Variants in FNDC3B observed in about 807,000 individuals in gnomAD.
FNDC3B encodes fibronectin type III domain-containing protein 3B.
FNDC3B carries 12 observed loss-of-function variants against 151.5 expected under a neutral mutation model. The ratio of observed to expected loss-of-function variants is 0.08; its 90% CI spans 0.05 to 0.13. FNDC3B has a LOEUF of 0.13. Ranked by LOEUF, FNDC3B falls within the 10% of genes least tolerant of loss-of-function variation. The probability of loss-of-function intolerance (pLI) is 1.00; values close to 1 mark genes in which losing one functional copy is unlikely to be tolerated. For synonymous variants in FNDC3B, 528 were observed against 549.0 expected, an observed-to-expected ratio of 0.96 and a Z score of 0.54; for missense variants, 1,214 against 1,505.3, an observed-to-expected ratio of 0.81 and a Z score of 3.20.
chr3:172,074,944 A>G (rs1166290782), intron 1 of FNDC3B, among the ~76,000 whole-genome samples: 2 of 152,236 alleles, frequency 1.3e-5, no homozygotes, highest in Admixed American at 6.5e-5. Context: ...GTATGTGTTT[A>G]GAATTACAGA....
At chr3:172,119,224 A>T (rs560374442) in intron 2 of FNDC3B, among the ~76,000 whole-genome samples, 1 of 151,012 alleles carries the variant, frequency 6.6e-6, no homozygotes, top group Non-Finnish European at 1.5e-5. Flanking sequence ...GACTAAATTT[A>T]GGAGTGACTG....
chr3:172,255,550 G>A lies in FNDC3B; in HGVS notation c.790+4009G>A, dbSNP rs147515278. Among the ~76,000 whole-genome samples, 8 of 152,250 alleles carry A rather than the reference G, an allele frequency of 5.3e-5. No individual in the cohort carries two copies. The East Asian group carries it at 7.7e-4, about 15-fold the overall frequency. ...CTCCCAAAGTGCTGGGATGACAAGC[G>A]TGAGCCACTGCGTCTGGCAAATTTT... On this transcript the variant is annotated intron_variant, in intron 6 of 25. Coordinates refer to ENST00000415807, the MANE Select transcript of FNDC3B (RefSeq NM_022763.4).
intron 9 of FNDC3B, among the ~76,000 whole-genome samples, chr3:172,305,639 CTT>C (rs146330722): frequency 0.018 from 2,784 of 152,274 alleles, 77 homozygotes; most frequent in African/African-American, 0.064. Flanking sequence ...TTGCCTGTAT[CTT>C]TTAATTCATA....
At chr3:172,307,798 T>C (rs1384192216) in intron 10 of FNDC3B, among the ~76,000 whole-genome samples, 1 of 152,204 alleles carries the variant, frequency 6.6e-6, no homozygotes, top group African/African-American at 2.4e-5. Context: ...CCAACTGTTA[T>C]ATCAAAAGTT....
chr3:172,322,221 G>C (rs1164474167), intron 11 of FNDC3B, among the ~76,000 whole-genome samples: 1 of 152,130 alleles, frequency 6.6e-6, no homozygotes, highest in Non-Finnish European at 1.5e-5. Flanking sequence ...TAATCTTCTG[G>C]CAGTGTTTTC....
intron 6 of FNDC3B, among the ~76,000 whole-genome samples, chr3:172,267,170 T>C (rs898008692): frequency 6.6e-6 from 1 of 152,122 alleles, no homozygotes; most frequent in Non-Finnish European, 1.5e-5. Context: ...TTTTTTTTTT[T>C]TTTTGAACAG....
At chr3:172,180,690 C>G (rs1701474302) in intron 3 of FNDC3B, among the ~76,000 whole-genome samples, 1 of 152,122 alleles carries the variant, frequency 6.6e-6, no homozygotes, top group South Asian at 2.1e-4. Context: ...GTGTGGAACT[C>G]TAGTTGTGCC....
rs184622721 is a variant in FNDC3B, at chr3:172,150,761, T to C, written c.187+17215T>C. ...AAAGTTTGTGGGTACATAGTAAGTGTATATATTTATGGGGTACCTGAGATG... is the reference window on the plus strand; with the variant it reads ...AAAGTTTGTGGGTACATAGTAAGTGCATATATTTATGGGGTACCTGAGATG... On this transcript the variant is annotated intron_variant, in intron 3 of 25. Transcript: ENST00000415807. Among the ~76,000 whole-genome samples, 14 of 152,274 alleles carry C rather than the reference T, an allele frequency of 9.2e-5. No homozygotes were observed. In the East Asian group the frequency reaches 2.7e-3, roughly 29 times the overall value.
intron 19 of FNDC3B, 110 bp downstream of exon 19, chr3:172,344,368 C>A: frequency 1.1e-6 from 1 of 872,544 alleles, no homozygotes; most frequent in Non-Finnish European, 1.8e-6. Context: ...CTTGATGCAA[C>A]CTTGACAACC....
At chr3:172,266,675 C>A (rs1241133997) in intron 6 of FNDC3B, among the ~76,000 whole-genome samples, 1 of 152,200 alleles carries the variant, frequency 6.6e-6, no homozygotes, top group East Asian at 1.9e-4. Flanking sequence ...CTTGTAGCCA[C>A]ATCACTCCAG....
chr3:172,213,721 C>T (rs1270780788), intron 3 of FNDC3B, among the ~76,000 whole-genome samples: 1 of 152,104 alleles, frequency 6.6e-6, no homozygotes, highest in African/African-American at 2.4e-5. Flanking sequence ...GTTTTTTAGC[C>T]TTTCCAGATT....
intron 3 of FNDC3B, among the ~76,000 whole-genome samples, chr3:172,173,584 T>G (rs1009001184): frequency 6.7e-6 from 1 of 148,408 alleles, no homozygotes; most frequent in African/African-American, 2.5e-5. Flanking sequence ...CACTTGCACT[T>G]AGGAGTTTGA....
chr3:172,153,192 T>C (rs1722318216), intron 3 of FNDC3B, among the ~76,000 whole-genome samples: 1 of 152,138 alleles, frequency 6.6e-6, no homozygotes, highest in Non-Finnish European at 1.5e-5. Context: ...TGAATTTGGA[T>C]ACAGTACAGT....
intron 3 of FNDC3B, among the ~76,000 whole-genome samples, chr3:172,168,762 G>C (rs560944541): frequency 6.7e-6 from 1 of 148,218 alleles, no homozygotes; most frequent in African/African-American, 2.5e-5. Flanking sequence ...ACTCAGGCTG[G>C]AGTGCAGTGG....
intron 3 of FNDC3B, among the ~76,000 whole-genome samples, chr3:172,154,292 T>G (rs1722374531): frequency 6.6e-6 from 1 of 152,138 alleles, no homozygotes; most frequent in African/African-American, 2.4e-5. Context: ...CTTGGTGCAC[T>G]GCAACCTCCA....
rs762912050 is a variant in FNDC3B, at chr3:172,330,571, A to C, written c.1410A>C (p.Thr470=). 3.1e-6 allele frequency: 5 copies of C among 1,613,962 alleles called. No homozygotes were observed. The highest frequency in any genetic ancestry group is 4.2e-6 in the Non-Finnish European group (5 of 1,179,974). The change falls in exon 13 of 26, where the codon ACA becomes ACC. Residue 470 remains threonine, a synonymous_variant. Coordinates refer to ENST00000415807, the MANE Select transcript of FNDC3B (RefSeq NM_022763.4). ...ATAGCCAAGAGGTGGTGTGCTACAC[A>C]TTAGGAAATATCCCTCAGATGCCTT... ...SGYSQEVVCY[T]LGNIPQMPSA...
intron 23 of FNDC3B, among the ~76,000 whole-genome samples, chr3:172,376,295 T>C (rs1735138875): frequency 6.6e-6 from 1 of 152,234 alleles, no homozygotes; most frequent in Non-Finnish European, 1.5e-5. Context: ...TTTGTGACTG[T>C]GAGTGCTATT....
chr3:172,302,622 C>T lies in FNDC3B; in HGVS notation c.1061+3835C>T, dbSNP rs1007744099. ...GTGGTGATTGAGGAAGATAATACCC[C>T]TCTATGATGCATACATTGATTAGCA... On this transcript the variant is annotated intron_variant, in intron 9 of 25. Transcript: ENST00000415807. The T allele has an allele frequency of 6.6e-5, 10 of 152,184 alleles. No individual in the cohort carries two copies. The East Asian group carries it at 9.6e-4, about 15-fold the overall frequency. The allele number at this position is 152,184 out of a possible 1,614,324, so 9.4% of individuals were successfully genotyped here.
rs548477987 is a variant in FNDC3B at position 172,312,149 on chromosome 3, T to C, written c.1254+1268T>C. On this transcript the variant is annotated intron_variant, in intron 11 of 25. Transcript: ENST00000415807. The stretch of plus-strand genomic sequence containing the variant: ...AATGTAAAATGAAAACTGGATGGAA[T>C]TCCCATGATGAAATTTTGATGTGAA... Among the ~76,000 whole-genome samples, 35 of 152,312 alleles carry C rather than the reference T, an allele frequency of 2.3e-4. No individual in the cohort carries two copies. In the South Asian group the frequency reaches 7.0e-3, roughly 31 times the overall value.
Sources: allele counts gnomAD v4.1 joint callset (sites outside exome capture counted in the v4.1 genomes callset), GRCh38; gene constraint gnomAD v4.1.1; transcripts MANE v1.5; gene names NCBI Gene and HGNC (gene_info 2026-07-23, HGNC 2026-07-21).